Variants in SRPK2 observed in about 807,000 individuals in gnomAD.
SRPK2 encodes the protein SRSF protein kinase 2, also known as SFRS protein kinase 2.
In SRPK2, 21 loss-of-function variants were observed where a neutral mutation model predicts 90.8. That is an observed-to-expected ratio of 0.23 (90% CI 0.16 to 0.33). SRPK2 has a LOEUF of 0.33. Among genes scored for constraint, SRPK2 ranks in the 10% least tolerant of loss-of-function variants. The pLI, the probability that SRPK2 is intolerant of heterozygous loss-of-function variation, is 1.00. For missense variants in SRPK2, 620 were observed against 869.0 expected (o/e 0.71, Z 3.60); for synonymous variants, 288 against 311.1 (o/e 0.93, Z 0.78).
intron 2 of SRPK2, among the ~76,000 whole-genome samples, chr7:105,246,332 C>G (rs1563139479): frequency 6.6e-6 from 1 of 152,156 alleles, no homozygotes; most frequent in Non-Finnish European, 1.5e-5. Context: ...GAATGAAGCA[C>G]AGGCCATATG....
Position 105,193,283 on chromosome 7 carries a change from T to C in SRPK2, c.229+10345A>G, listed in dbSNP as rs142416077. The stretch of plus-strand genomic sequence containing the variant: ...TGGCTTGCCAGTTTTCCCAGCACCA[T>C]TTGTTGAATAGGGTGTCTGTTCCCT... On this transcript the variant is annotated intron_variant, in intron 3 of 15. Transcript: ENST00000393651. Among the ~76,000 whole-genome samples, 918 of 152,294 alleles carry C rather than the reference T, an allele frequency of 6.0e-3. 7 individuals carry two copies. Among genetic ancestry groups the C allele is most frequent in the African/African-American group, 0.021 (876 of 41,558 alleles).
rs57970307 is a variant in SRPK2, at chr7:105,205,496, T to TTCTCTC, written c.72-1717_72-1712dup. On this transcript the variant is annotated intron_variant, in intron 2 of 15. Coordinates refer to ENST00000393651, the MANE Select transcript of SRPK2 (RefSeq NM_182692.3). ...GAGCCCTGAAAGAGAATAATATTCA[T>TTCTCTC]TCTCTCTCTCTCTCTCTCTCTCACA... Among the ~76,000 whole-genome samples the TTCTCTC allele has an allele frequency of 2.4e-3, 325 of 137,800 alleles. 1 individual carries two copies. Among genetic ancestry groups the TTCTCTC allele is most frequent in the African/African-American group, 4.4e-3 (153 of 34,630 alleles). 90.4% of individuals were successfully genotyped at this position (137,800 alleles called of 152,430 possible).
At chr7:105,165,198 A>G (rs1789878600) in intron 6 of SRPK2, among the ~76,000 whole-genome samples, 1 of 152,220 alleles carries the variant, frequency 6.6e-6, no homozygotes, top group Admixed American at 6.5e-5. Flanking sequence ...GATAAGGATA[A>G]CATGCCAACC....
At chr7:105,384,230 T>C (rs915463537) in intron 2 of SRPK2, among the ~76,000 whole-genome samples, 4 of 152,234 alleles carry the variant, frequency 2.6e-5, no homozygotes, top group Admixed American at 1.3e-4. Flanking sequence ...ATGTAGCTAA[T>C]TCCTAAGATT....
intron 2 of SRPK2, among the ~76,000 whole-genome samples, chr7:105,217,061 T>G (rs996156102): frequency 2.0e-5 from 3 of 152,232 alleles, no homozygotes; most frequent in Admixed American, 2.0e-4. Flanking sequence ...TAAATACACC[T>G]TGATACATTA....
intron 7 of SRPK2, among the ~76,000 whole-genome samples, chr7:105,152,602 A>C (rs974559238): frequency 8.5e-5 from 13 of 152,248 alleles, no homozygotes; most frequent in Admixed American, 7.2e-4. Flanking sequence ...GAAAAACAAA[A>C]ACACAAACCA....
intron 2 of SRPK2, chr7:105,301,862 C>G (rs1444711213): frequency 6.3e-7 from 1 of 1,577,526 alleles, no homozygotes; most frequent in Non-Finnish European, 8.7e-7. Flanking sequence ...CATGGAGAAT[C>G]ACAATCCCAT....
chr7:105,270,652 G>A (rs1805717540), intron 2 of SRPK2, among the ~76,000 whole-genome samples: 2 of 151,592 alleles, frequency 1.3e-5, no homozygotes, highest in South Asian at 4.2e-4. Context: ...CAGATGATGC[G>A]CCCACCTCAG....
intron 3 of SRPK2, among the ~76,000 whole-genome samples, chr7:105,192,769 G>A (rs1794464474): frequency 1.3e-5 from 2 of 152,130 alleles, no homozygotes; most frequent in Admixed American, 6.5e-5. Flanking sequence ...ATTGCATTGT[G>A]ATTTTGATTT....
chr7:105,197,088 A>C (rs1225863259), intron 3 of SRPK2, among the ~76,000 whole-genome samples: 1 of 151,674 alleles, frequency 6.6e-6, no homozygotes, highest in Non-Finnish European at 1.5e-5. Flanking sequence ...ATAGACTCGG[A>C]GGGTTGGGGG....
Position 105,133,112 on chromosome 7 carries a change from G to T in SRPK2, c.1544-8C>A. 6.2e-7 allele frequency: 1 copy of T among 1,613,726 alleles called. No individual in the cohort carries two copies. The highest frequency in any genetic ancestry group is 1.1e-5 in the South Asian group (1 of 91,064). On this transcript the variant is annotated splice_polypyrimidine_tract_variant and splice_region_variant and intron_variant, in intron 11 of 15. Coordinates refer to ENST00000393651, the MANE Select transcript of SRPK2 (RefSeq NM_182692.3). The stretch of plus-strand genomic sequence containing the variant: ...CAGCTGCCCGGGTTTTTGCTGGCAT[G>T]AGCAAACAGCAGGACAGTTAGTGAT...
At chr7:105,160,252 T>TAA (rs573211662) in intron 7 of SRPK2, 415 of 241,622 alleles carry the variant, frequency 1.7e-3, no homozygotes, top group Middle Eastern at 2.5e-3. Flanking sequence ...TCACATACCT[T>TAA]AAAAAAAAAA....
chr7:105,170,971 A>AAGAAAGAAAGAAAGAAAG lies in SRPK2; in HGVS notation c.230-1707_230-1706insCTTTCTTTCTTTCTTTCT, dbSNP rs1563027056. ...AGAAAGAAAGAAAGAAAGAAAGAGA[A>AAGAAAGAAAGAAAGAAAG]AGAAAGAGAAAGAAAGAAAGAAAGA... On this transcript the variant is annotated intron_variant, in intron 3 of 15. Transcript: ENST00000393651. Among the ~76,000 whole-genome samples, 36 of 81,314 alleles carry AAGAAAGAAAGAAAGAAAG rather than the reference A, an allele frequency of 4.4e-4. 6 individuals carry two copies. Among genetic ancestry groups the AAGAAAGAAAGAAAGAAAG allele is most frequent in the African/African-American group, 1.8e-3 (36 of 19,684 alleles). 53.3% of individuals were successfully genotyped at this position (81,314 alleles called of 152,430 possible).
At chr7:105,116,061 T>G (rs958614599), downstream of SRPK2, among the ~76,000 whole-genome samples, 4 of 152,184 alleles carry the variant, frequency 2.6e-5, no homozygotes, top group Non-Finnish European at 5.9e-5. Context: ...ATTATGTGTC[T>G]TGTTTCCTAA....
chr7:105,324,653 G>A (rs181743021), intron 2 of SRPK2, among the ~76,000 whole-genome samples: 135 of 152,264 alleles, frequency 8.9e-4, no homozygotes, highest in African/African-American at 3.2e-3. Context: ...TTGGGAGTCC[G>A]AGGCGGGTGG....
chr7:105,368,801 C>T (rs2132403312), intron 2 of SRPK2, among the ~76,000 whole-genome samples: 1 of 150,190 alleles, frequency 6.7e-6, no homozygotes, highest in East Asian at 2.0e-4. Flanking sequence ...ATGAGAATCG[C>T]TTGAACCCGG....
intron 7 of SRPK2, among the ~76,000 whole-genome samples, chr7:105,154,542 G>A (rs897805243): frequency 6.6e-6 from 1 of 152,064 alleles, no homozygotes; most frequent in Non-Finnish European, 1.5e-5. Flanking sequence ...CAGGTGAGAG[G>A]ACCTGCGGGG....
intron 7 of SRPK2, among the ~76,000 whole-genome samples, chr7:105,149,393 A>G (rs201521648): frequency 1.2e-4 from 19 of 152,078 alleles, no homozygotes; most frequent in South Asian, 8.3e-4. Context: ...CATAGATTCT[A>G]TTGCTCACGT....
At chr7:105,283,455 T>C (rs78091755) in intron 2 of SRPK2, among the ~76,000 whole-genome samples, 2,159 of 152,296 alleles carry the variant, frequency 0.014, 26 homozygotes, top group African/African-American at 0.036. Flanking sequence ...GAAAGAGTAC[T>C]AATACATGCT....
Sources: allele counts gnomAD v4.1 joint callset (sites outside exome capture counted in the v4.1 genomes callset), GRCh38; gene constraint gnomAD v4.1.1; transcripts MANE v1.5; gene names NCBI Gene and HGNC (gene_info 2026-07-23, HGNC 2026-07-21).